Variants in RBMS3 observed in about 807,000 individuals in gnomAD.
RBMS3 encodes RNA binding motif single stranded interacting protein 3.
A neutral mutation model predicts 66.8 loss-of-function variants in RBMS3; 27 were observed. The ratio of observed to expected loss-of-function variants is 0.40; its 90% CI spans 0.30 to 0.56. The LOEUF (loss-of-function observed/expected upper bound fraction) is 0.56. Ranked by LOEUF, RBMS3 falls within the 20% of genes least tolerant of loss-of-function variation. The pLI is 0.40. For missense variants in RBMS3, 513 were observed against 549.5 expected, an observed-to-expected ratio of 0.93 and a Z score of 0.66; for synonymous variants, 188 against 183.0, an observed-to-expected ratio of 1.03 and a Z score of -0.22.
intron 4 of RBMS3, among the ~76,000 whole-genome samples, chr3:29,704,880 C>G (rs951414222): frequency 8.5e-5 from 13 of 152,150 alleles, no homozygotes; most frequent in Admixed American, 2.0e-4. Context: ...TAGAGAAAAG[C>G]CAACATGGCA....
chr3:29,675,311 A>T lies in RBMS3; in HGVS notation c.400-64409A>T, dbSNP rs992468002. On this transcript the variant is annotated intron_variant, in intron 4 of 14. Coordinates refer to ENST00000383767, the MANE Select transcript of RBMS3 (RefSeq NM_001003793.3). ...TAAAGACTTAAATGTTAGACTTAAA[A>T]CCATAAAAATCCTAGAAGAAAACCT... is the stretch of plus-strand genomic sequence containing the variant. 5.9e-5 allele frequency among the ~76,000 whole-genome samples: 9 copies of T among 152,320 alleles called. No homozygotes were observed. The East Asian group carries it at 1.7e-3, about 29-fold the overall frequency.
chr3:29,326,977 G>C (rs1272983267), intron 1 of RBMS3, among the ~76,000 whole-genome samples: 1 of 152,014 alleles, frequency 6.6e-6, no homozygotes. Flanking sequence ...TGATCTGCCC[G>C]CACTGGCCTC....
intron 4 of RBMS3, among the ~76,000 whole-genome samples, chr3:29,648,299 G>T (rs1424159413): frequency 1.9e-5 from 2 of 104,344 alleles, no homozygotes; most frequent in African/African-American, 3.9e-5. Flanking sequence ...ACAGGGTCTC[G>T]CTGTGTCACC....
intron 3 of RBMS3, among the ~76,000 whole-genome samples, chr3:29,556,631 A>G (rs1008790881): frequency 1.3e-5 from 2 of 152,046 alleles, no homozygotes; most frequent in Non-Finnish European, 2.9e-5. Flanking sequence ...AAATGAATGA[A>G]CAAGGTATTT....
intron 6 of RBMS3, chr3:29,797,819 A>G (rs544533458): frequency 1.1e-4 from 16 of 152,290 alleles, no homozygotes; most frequent in African/African-American, 3.9e-4. Flanking sequence ...ATGTAAATAG[A>G]GGGCATTTGG....
chr3:29,995,090 A>G (rs1272707689), intron 14 of RBMS3, among the ~76,000 whole-genome samples: 1 of 152,240 alleles, frequency 6.6e-6, no homozygotes, highest in Non-Finnish European at 1.5e-5. Flanking sequence ...GAGCTGATGG[A>G]GCTGAAAACC....
rs71295051 is a variant in RBMS3 at position 29,796,712 on chromosome 3, C to CTTTTTTTTTTTTTTTTTTT, written c.637+33740_637+33741insTTTTTTTTTTTTTTTTTTT. Among the ~76,000 whole-genome samples the CTTTTTTTTTTTTTTTTTTT allele has an allele frequency of 1.0e-4, 12 of 115,274 alleles. 2 individuals carry two copies. Among genetic ancestry groups the CTTTTTTTTTTTTTTTTTTT allele is most frequent in the African/African-American group, 4.1e-4 (11 of 27,142 alleles). 75.6% of individuals were successfully genotyped at this position (115,274 alleles called of 152,430 possible). ...TGAGAAGTAATATTTTGAAAGGAAT[C>CTTTTTTTTTTTTTTTTTTT]TTTTTTTTTTTTTTTTTGGAGATGG... On this transcript the variant is annotated intron_variant, in intron 6 of 14. Transcript: ENST00000383767.
intron 3 of RBMS3, among the ~76,000 whole-genome samples, chr3:29,536,508 C>T (rs2045563073): frequency 6.6e-6 from 1 of 152,080 alleles, no homozygotes; most frequent in South Asian, 2.1e-4. Context: ...TGTTTACTGA[C>T]TTGGAACATA....
chr3:29,453,459 C>G (rs751835375), intron 2 of RBMS3, among the ~76,000 whole-genome samples: 1 of 152,164 alleles, frequency 6.6e-6, no homozygotes, highest in East Asian at 1.9e-4. Flanking sequence ...AGACAAGCAG[C>G]TGGTTATTGC....
Position 30,004,725 on chromosome 3 carries a change from G to A in RBMS3, c.*863G>A, listed in dbSNP as rs1261099223. 6.6e-6 allele frequency: 1 copy of A among 152,102 alleles called. No homozygotes were observed. Among genetic ancestry groups the A allele is most frequent in the Non-Finnish European group, 1.5e-5 (1 of 67,766 alleles). The allele number at this position is 152,102 out of a possible 1,614,324, so 9.4% of individuals were successfully genotyped here. On this transcript the variant is annotated 3_prime_UTR_variant, in exon 15 of 15. Coordinates refer to ENST00000383767, the MANE Select transcript of RBMS3 (RefSeq NM_001003793.3). ...GGTTGGTTTAAAAACAACTGCATTA[G>A]AAATAATGCGTGTTTGGGGGGCAGA...
intron 1 of RBMS3, among the ~76,000 whole-genome samples, chr3:29,421,435 T>C (rs1276429959): frequency 6.6e-6 from 1 of 152,170 alleles, no homozygotes; most frequent in Non-Finnish European, 1.5e-5. Flanking sequence ...TTATTTTTAG[T>C]GTTAGGAGCC....
At chr3:29,968,201 GC>G (rs143339139) in intron 12 of RBMS3, among the ~76,000 whole-genome samples, 2,487 of 152,168 alleles carry the variant, frequency 0.016, 39 homozygotes, top group Non-Finnish European at 0.028. Context: ...CACCCGGCCT[GC>G]CCCCGTAACA....
chr3:29,989,901 C>T (rs920198098), intron 13 of RBMS3, among the ~76,000 whole-genome samples: 1 of 152,162 alleles, frequency 6.6e-6, no homozygotes, highest in African/African-American at 2.4e-5. Flanking sequence ...ATTTTCATTT[C>T]TCTGTGTACA....
intron 6 of RBMS3, among the ~76,000 whole-genome samples, chr3:29,864,365 G>A (rs2059291930): frequency 6.6e-6 from 1 of 152,150 alleles, no homozygotes; most frequent in Admixed American, 6.5e-5. Context: ...GATAATGAAA[G>A]CCAAATTCTG....
chr3:29,725,668 A>C (rs1472351429), intron 4 of RBMS3, among the ~76,000 whole-genome samples: 1 of 152,164 alleles, frequency 6.6e-6, no homozygotes, highest in African/African-American at 2.4e-5. Context: ...GGAAGAAGTC[A>C]AATACCTGAA....
In RBMS3 at chr3:29,444,788, CTTTTTTTTTTTT is replaced by C. The variant is rs558839351; in HGVS notation, c.248+9886_248+9897del. Reference sequence around the variant, plus strand: ...AATTCTTTCAAGCGGAAATATATGCCTTTTTTTTTTTTTTTTTTTTTTTTGCTCCATCTATAC... The same window carrying C: ...AATTCTTTCAAGCGGAAATATATGCCTTTTTTTTTTTTGCTCCATCTATAC... On this transcript the variant is annotated intron_variant, in intron 2 of 14. Coordinates refer to ENST00000383767, the MANE Select transcript of RBMS3 (RefSeq NM_001003793.3). Among the ~76,000 whole-genome samples, 9 of 50,500 alleles carry C rather than the reference CTTTTTTTTTTTT, an allele frequency of 1.8e-4. 1 individual carries two copies. The highest frequency in any genetic ancestry group is 1.4e-3 in the South Asian group (1 of 740). The allele number at this position is 50,500 out of a possible 152,430, so 33.1% of individuals were successfully genotyped here. A position where few individuals can be genotyped will look rare whatever the true frequency, so the allele number is the denominator to read the frequency against.
chr3:29,348,533 A>G (rs2036714396), intron 1 of RBMS3, among the ~76,000 whole-genome samples: 1 of 151,874 alleles, frequency 6.6e-6, no homozygotes, highest in Admixed American at 6.6e-5. Context: ...TGGTAGACTT[A>G]AGGCCGTGAG....
At chr3:29,338,038 A>G (rs1301925039) in intron 1 of RBMS3, among the ~76,000 whole-genome samples, 4 of 152,178 alleles carry the variant, frequency 2.6e-5, no homozygotes, top group Non-Finnish European at 5.9e-5. Flanking sequence ...TTGAGGCTCA[A>G]CAGTATCAAG....
intron 3 of RBMS3, among the ~76,000 whole-genome samples, chr3:29,584,663 A>C (rs990852130): frequency 4.6e-5 from 7 of 152,068 alleles, no homozygotes; most frequent in South Asian, 2.1e-4. Context: ...AACCAACCAA[A>C]CAAACAAAAC....
Sources: allele counts gnomAD v4.1 joint callset (sites outside exome capture counted in the v4.1 genomes callset), GRCh38; gene constraint gnomAD v4.1.1; transcripts MANE v1.5; gene names NCBI Gene and HGNC (gene_info 2026-07-23, HGNC 2026-07-21).